Variants in POU6F2 observed in about 807,000 individuals in gnomAD.
The protein encoded by POU6F2 is POU domain, class 6, transcription factor 2.
POU6F2 carries 31 observed loss-of-function variants against 71.3 expected under a neutral mutation model. The observed-to-expected ratio is 0.43, with a 90% CI of 0.33 to 0.59. POU6F2 has a LOEUF of 0.59. POU6F2 is among the 20% of genes least tolerant of loss of function. POU6F2 has a pLI of 0.04. For synonymous variants in POU6F2, 347 were observed against 355.7 expected, an observed-to-expected ratio of 0.98 and a Z score of 0.27; for missense variants, 783 against 856.8, an observed-to-expected ratio of 0.91 and a Z score of 1.07.
At position 39,413,346 on chromosome 7, in the gene POU6F2, G is replaced by A. The variant is rs572981941; in HGVS notation, c.1113+6606G>A. Among the ~76,000 whole-genome samples, 68 of 152,074 alleles carry A rather than the reference G, an allele frequency of 4.5e-4. No individual in the cohort carries two copies. The South Asian group carries it at 1.0e-2, about 22-fold the overall frequency. On this transcript the variant is annotated intron_variant, in intron 6 of 9. Transcript: ENST00000518318. The stretch of plus-strand genomic sequence containing the variant: ...AATATTCATTGAAGAAGCAAGATAC[G>A]AAATAATATGTACAGAATAATACCA...
intron 4 of POU6F2, among the ~76,000 whole-genome samples, chr7:39,320,046 G>C (rs1300863467): frequency 6.6e-6 from 1 of 152,278 alleles, no homozygotes; most frequent in South Asian, 2.1e-4. Flanking sequence ...CCGGCTCAGA[G>C]GGTAACCTCC....
At position 39,056,236 on chromosome 7, in the gene POU6F2, T is replaced by A. The variant is rs1045297287; in HGVS notation, c.106-29624T>A. ...GAAGGCATCAGAGAGCCAGGATAGATGTTGTATGTTGTTTCAATTTTGTTT... is the reference window on the plus strand; with the variant it reads ...GAAGGCATCAGAGAGCCAGGATAGAAGTTGTATGTTGTTTCAATTTTGTTT... On this transcript the variant is annotated intron_variant, in intron 1 of 9. Transcript: ENST00000518318. 2.2e-4 allele frequency among the ~76,000 whole-genome samples: 33 copies of A among 152,220 alleles called. 3 individuals carry two copies. The highest frequency in any genetic ancestry group is 1.7e-3 in the East Asian group (9 of 5,184).
At chr7:39,139,431 A>G (rs1346822530) in intron 2 of POU6F2, among the ~76,000 whole-genome samples, 4 of 152,156 alleles carry the variant, frequency 2.6e-5, no homozygotes, top group African/African-American at 9.7e-5. Context: ...TACCTGAGTT[A>G]TTTATAGAAA....
At chr7:39,353,494 G>T (rs1317679345) in intron 5 of POU6F2, among the ~76,000 whole-genome samples, 1 of 152,176 alleles carries the variant, frequency 6.6e-6, no homozygotes, top group Non-Finnish European at 1.5e-5. Flanking sequence ...CGTATGCATG[G>T]ATTTATTTAA....
At chr7:38,998,766 A>C (rs1229018) in intron 1 of POU6F2, among the ~76,000 whole-genome samples, 149,721 of 150,496 alleles carry the variant, frequency 0.99, 74,483 homozygotes, top group East Asian at 1. Context: ...TCTCCTGCCT[A>C]AGCCTCCCAA....
At chr7:39,303,240 C>T (rs1056513616) in intron 4 of POU6F2, among the ~76,000 whole-genome samples, 3 of 152,154 alleles carry the variant, frequency 2.0e-5, no homozygotes, top group South Asian at 2.1e-4. Context: ...CTCCGCCTCC[C>T]GGGCTCGTGC....
At chr7:39,009,330 T>C (rs1180965401) in intron 1 of POU6F2, among the ~76,000 whole-genome samples, 3 of 151,994 alleles carry the variant, frequency 2.0e-5, no homozygotes. Context: ...TGTTTGTCTG[T>C]TGTTGGTGTA....
chr7:38,995,514 AAG>A lies in POU6F2; in HGVS notation c.105+17463_105+17464del, dbSNP rs749726259. Among the ~76,000 whole-genome samples, 6 of 152,264 alleles carry A rather than the reference AAG, an allele frequency of 3.9e-5. No homozygotes were observed. The East Asian group carries it at 9.6e-4, about 24-fold the overall frequency. On this transcript the variant is annotated intron_variant, in intron 1 of 9. Coordinates refer to ENST00000518318, the MANE Select transcript of POU6F2 (RefSeq NM_001370959.1). The stretch of plus-strand genomic sequence containing the variant: ...TAAAATTCCCTTTGTGATGAAAAAA[AAG>A]AGAGAGGACTAAAATATTTGTTTGG...
Position 39,085,914 on chromosome 7 carries a change from A to G in POU6F2, c.160A>G (p.Met54Val). The G allele has an allele frequency of 6.2e-7, 1 of 1,613,532 alleles. No individual in the cohort carries two copies. Among genetic ancestry groups the G allele is most frequent in the Middle Eastern group, 1.6e-4 (1 of 6,062 alleles). Residue 54 changes from methionine to valine, a missense_variant, in exon 2 of 10, where the codon ATG becomes GTG. Physicochemically the swap from Met to Val is conservative, Grantham distance 21. Coordinates refer to ENST00000518318, the MANE Select transcript of POU6F2 (RefSeq NM_001370959.1). ...GCCCTTGCTGTCAGTGCGGAGTGAAATGAATGCGGAGTTGAGAGGTGAGGA... is the reference window on the plus strand; with the variant it reads ...GCCCTTGCTGTCAGTGCGGAGTGAAGTGAATGCGGAGTTGAGAGGTGAGGA... ...SKPLLSVRSE[M>V]NAELRGEDKA...
intron 1 of POU6F2, among the ~76,000 whole-genome samples, chr7:39,022,409 A>G (rs1258365005): frequency 6.6e-6 from 1 of 151,882 alleles, no homozygotes; most frequent in African/African-American, 2.4e-5. Context: ...CCCACCCATC[A>G]TTTTCTGCAA....
chr7:39,201,028 C>G (rs1484610804), intron 2 of POU6F2, among the ~76,000 whole-genome samples: 1 of 151,336 alleles, frequency 6.6e-6, no homozygotes, highest in Non-Finnish European at 1.5e-5. Context: ...TACTGTCTCT[C>G]TCAAAAAAAA....
At chr7:39,266,156 C>G (rs1332075519) in intron 4 of POU6F2, among the ~76,000 whole-genome samples, 1 of 152,154 alleles carries the variant, frequency 6.6e-6, no homozygotes, top group African/African-American at 2.4e-5. Context: ...GGGTTTCTGT[C>G]TGAACCATCA....
rs544018912 is a variant in POU6F2 at position 39,102,741 on chromosome 7, T to G, written c.277+16710T>G. Among the ~76,000 whole-genome samples the G allele has an allele frequency of 2.6e-5, 4 of 152,290 alleles. No individual in the cohort carries two copies. The South Asian group carries it at 8.3e-4, about 32-fold the overall frequency. The stretch of plus-strand genomic sequence containing the variant: ...TTCTGAGAAATGTGTTGTTAGGCAA[T>G]TTCATCATTGTGTGAATGTCATAGA... On this transcript the variant is annotated intron_variant, in intron 2 of 9. Coordinates refer to ENST00000518318, the MANE Select transcript of POU6F2 (RefSeq NM_001370959.1).
chr7:39,342,581 G>A (rs1279906334), intron 5 of POU6F2, among the ~76,000 whole-genome samples: 1 of 152,194 alleles, frequency 6.6e-6, no homozygotes, highest in Non-Finnish European at 1.5e-5. Context: ...ACCAGGGAAA[G>A]CCAGTCAATT....
intron 1 of POU6F2, among the ~76,000 whole-genome samples, chr7:39,077,386 G>C (rs111823744): frequency 5.3e-5 from 8 of 152,354 alleles, no homozygotes; most frequent in African/African-American, 1.9e-4. Context: ...TAGATACTTT[G>C]TAGAAGTCCA....
intron 1 of POU6F2, among the ~76,000 whole-genome samples, chr7:39,050,280 G>A (rs1453906721): frequency 6.6e-6 from 1 of 152,024 alleles, no homozygotes; most frequent in Non-Finnish European, 1.5e-5. Flanking sequence ...TGATTAGTGA[G>A]AGATTGGGCC....
rs187450036 is a variant in POU6F2 at position 39,065,416 on chromosome 7, C to T, written c.106-20444C>T. Among the ~76,000 whole-genome samples, 129 of 151,322 alleles carry T rather than the reference C, an allele frequency of 8.5e-4. No homozygotes were observed. In the Middle Eastern group the frequency reaches 0.011, roughly 13 times the overall value. On this transcript the variant is annotated intron_variant, in intron 1 of 9. Coordinates refer to ENST00000518318, the MANE Select transcript of POU6F2 (RefSeq NM_001370959.1). ...TTACATTCTCTCATTATTTTTTAAA[C>T]GGATAAATAAATTCACAAAAGTGTG...
chr7:39,330,548 T>C (rs1184614383), intron 4 of POU6F2, among the ~76,000 whole-genome samples: 2 of 152,226 alleles, frequency 1.3e-5, no homozygotes, highest in Non-Finnish European at 2.9e-5. Flanking sequence ...GCTACCTTAT[T>C]ATTTCCTGCA....
At chr7:39,014,728 TC>T (rs1789425476) in intron 1 of POU6F2, among the ~76,000 whole-genome samples, 2 of 152,178 alleles carry the variant, frequency 1.3e-5, no homozygotes, top group Admixed American at 6.5e-5. Flanking sequence ...ATTTTTTTTT[TC>T]CTGTTTTCTC....
Sources: gnomAD v4.1 joint callset for allele counts (sites outside exome capture counted in the v4.1 genomes callset) on GRCh38, gnomAD v4.1.1 for gene constraint, MANE v1.5 for transcripts, NCBI Gene and HGNC (gene_info 2026-07-23, HGNC 2026-07-21) for gene names.